CSMD1: variants seen among roughly 807,000 people sequenced by gnomAD.
The protein encoded by CSMD1 is CUB and sushi domain-containing protein 1.
A neutral mutation model predicts 417.5 loss-of-function variants in CSMD1; 213 were observed. The observed-to-expected ratio is 0.51, with a 90% CI of 0.46 to 0.57. The LOEUF (loss-of-function observed/expected upper bound fraction) is 0.57. Among genes scored for constraint, CSMD1 ranks in the 20% least tolerant of loss-of-function variants. The pLI, the probability that CSMD1 is intolerant of heterozygous loss-of-function variation, is 0.00. For missense variants in CSMD1, 6,923 were observed against 4,529.7 expected, an observed-to-expected ratio of 1.53 and a Z score of -15.17; for synonymous variants, 2,862 against 1,736.8, an observed-to-expected ratio of 1.65 and a Z score of -16.11.
At chr8:4,678,852 G>A (rs1585438494) in intron 1 of CSMD1, among the ~76,000 whole-genome samples, 1 of 152,146 alleles carries the variant, frequency 6.6e-6, no homozygotes, top group African/African-American at 2.4e-5. Context: ...CTCAGTCACT[G>A]CCCAGTAACT....
chr8:4,559,638 A>C (rs910495766), intron 2 of CSMD1, among the ~76,000 whole-genome samples: 1 of 152,232 alleles, frequency 6.6e-6, no homozygotes, highest in African/African-American at 2.4e-5. Flanking sequence ...GCATATAATA[A>C]AATTATTAAT....
chr8:3,552,812 A>C (rs1376478333), intron 10 of CSMD1, among the ~76,000 whole-genome samples: 1 of 152,190 alleles, frequency 6.6e-6, no homozygotes, highest in Admixed American at 6.5e-5. Flanking sequence ...CATTTTCATT[A>C]ATTTTAAAAT....
intron 1 of CSMD1, among the ~76,000 whole-genome samples, chr8:4,791,841 A>G (rs1467684964): frequency 6.6e-6 from 1 of 152,064 alleles, no homozygotes; most frequent in Non-Finnish European, 1.5e-5. Context: ...ATTCCAACAG[A>G]TATACTTTTT....
chr8:3,729,670 GT>G (rs1802709769), intron 6 of CSMD1, among the ~76,000 whole-genome samples: 1 of 143,844 alleles, frequency 7.0e-6, no homozygotes, highest in African/African-American at 2.8e-5. Flanking sequence ...TACCAGCGAA[GT>G]GTTTAAAGAT....
At chr8:3,290,812 T>C (rs1264661447) in intron 25 of CSMD1, among the ~76,000 whole-genome samples, 2 of 148,682 alleles carry the variant, frequency 1.3e-5, no homozygotes, top group Non-Finnish European at 2.9e-5. Flanking sequence ...TTGAATACTC[T>C]TTATTTCTTT....
chr8:4,695,389 C>T (rs1584955767), intron 1 of CSMD1, among the ~76,000 whole-genome samples: 1 of 152,274 alleles, frequency 6.6e-6, no homozygotes, highest in South Asian at 2.1e-4. Flanking sequence ...TATTTACACG[C>T]ATATTACTGA....
chr8:3,497,986 G>A (rs1430726957), intron 10 of CSMD1, among the ~76,000 whole-genome samples: 1 of 152,192 alleles, frequency 6.6e-6, no homozygotes, highest in Non-Finnish European at 1.5e-5. Flanking sequence ...GACCATTCCA[G>A]TAGTGATAAA....
At chr8:4,826,429 GA>G (rs1299068777) in intron 1 of CSMD1, among the ~76,000 whole-genome samples, 1 of 152,142 alleles carries the variant, frequency 6.6e-6, no homozygotes, top group Non-Finnish European at 1.5e-5. Context: ...TGCGCTAACT[GA>G]AATAAGCTAG....
At chr8:3,035,431 C>G (rs1381299221) in intron 50 of CSMD1, among the ~76,000 whole-genome samples, 1 of 152,102 alleles carries the variant, frequency 6.6e-6, no homozygotes, top group Non-Finnish European at 1.5e-5. Flanking sequence ...CCAACCAAGC[C>G]AGAATTTCCA....
chr8:4,438,389 T>C (rs1054409262), intron 2 of CSMD1, among the ~76,000 whole-genome samples: 1 of 152,176 alleles, frequency 6.6e-6, no homozygotes, highest in South Asian at 2.1e-4. Context: ...AGCTTAATTA[T>C]AAATACAGTT....
chr8:3,075,137 G>T (rs1249575508), intron 49 of CSMD1, among the ~76,000 whole-genome samples: 1 of 152,122 alleles, frequency 6.6e-6, no homozygotes, highest in Non-Finnish European at 1.5e-5. Flanking sequence ...CTTCTGCCAT[G>T]ATTAGAAGTT....
chr8:4,047,969 C>T (rs1798234965), intron 3 of CSMD1, among the ~76,000 whole-genome samples: 1 of 152,088 alleles, frequency 6.6e-6, no homozygotes, highest in Admixed American at 6.5e-5. Context: ...GTCCTTAGGC[C>T]TTGTTTCTTT....
At chr8:4,813,082 T>C (rs1287097203) in intron 1 of CSMD1, among the ~76,000 whole-genome samples, 17 of 152,232 alleles carry the variant, frequency 1.1e-4, no homozygotes, top group African/African-American at 2.4e-5. Context: ...TAGATATTTA[T>C]GCATGATTTA....
intron 3 of CSMD1, among the ~76,000 whole-genome samples, chr8:4,191,967 C>T (rs13439849): frequency 6.6e-6 from 1 of 152,088 alleles, no homozygotes; most frequent in African/African-American, 2.4e-5. Context: ...GCAAAACACC[C>T]GTAGAGGAAC....
chr8:4,813,059 C>A (rs1189056083), intron 1 of CSMD1, among the ~76,000 whole-genome samples: 1 of 152,122 alleles, frequency 6.6e-6, no homozygotes, highest in Admixed American at 6.6e-5. Context: ...TTTTAAGATC[C>A]CTCTGGCAGA....
At chr8:4,297,084 T>C (rs1346122483) in intron 3 of CSMD1, among the ~76,000 whole-genome samples, 1 of 2,332 alleles carries the variant, frequency 4.3e-4, no homozygotes, top group Non-Finnish European at 1.1e-3. Context: ...GTTGAAGAGC[T>C]TGGGGAGACT....
At chr8:4,231,927 G>A (rs1407861379) in intron 3 of CSMD1, among the ~76,000 whole-genome samples, 1 of 532 alleles carries the variant, frequency 1.9e-3, no homozygotes, top group Non-Finnish European at 0.012. Flanking sequence ...CATAAAATAT[G>A]TGTTTTCCTT....
chr8:3,235,916 GTTTT>G (rs11414439), intron 26 of CSMD1, among the ~76,000 whole-genome samples: 6 of 119,378 alleles, frequency 5.0e-5, no homozygotes, highest in Admixed American at 2.1e-4. Flanking sequence ...GAAGATGTAA[GTTTT>G]TTTTTTTTTT....
chr8:3,708,461 C>G lies in CSMD1; in HGVS notation c.962G>C (p.Gly321Ala). 6.2e-7 allele frequency: 1 copy of G among 1,613,898 alleles called. No individual in the cohort carries two copies. Among genetic ancestry groups the G allele is most frequent in the Non-Finnish European group, 8.5e-7 (1 of 1,179,874 alleles). Residue 321 changes from glycine (G) to alanine (A), a missense_variant, in exon 7 of 70, where the codon GGA (glycine) becomes GCA (alanine). Physicochemically the swap from Gly to Ala is moderately conservative, Grantham distance 60. Coordinates refer to ENST00000635120, the MANE Select transcript of CSMD1 (RefSeq NM_033225.6). ...VKKAIELKSR[G>A]VKMLPSKDGS... ...ATCCTTGCTGGGCAGCATCTTGACT[C>G]CTCTTGACTTCAACTCAATCGCCTT...
Sources: gnomAD v4.1 joint callset for allele counts (sites outside exome capture counted in the v4.1 genomes callset) on GRCh38, gnomAD v4.1.1 for gene constraint, MANE v1.5 for transcripts, NCBI Gene and HGNC (gene_info 2026-07-23, HGNC 2026-07-21) for gene names.